The following MTARC2 variants were observed in gnomAD, a reference collection of about 807,000 sequenced individuals.
The protein encoded by MTARC2 is MOCO sulphurase C-terminal domain containing 2.
MTARC2 carries 27 observed loss-of-function variants against 35.6 expected under a neutral mutation model. That is an observed-to-expected ratio of 0.76 (90% CI 0.56 to 1.04). MTARC2 has a LOEUF of 1.04. Ranked by LOEUF, MTARC2 falls within the 50% of genes least tolerant of loss-of-function variation. The probability of loss-of-function intolerance (pLI) is 0.00; values close to 1 mark genes in which losing one functional copy is unlikely to be tolerated. For missense variants in MTARC2, 412 were observed against 432.5 expected, an observed-to-expected ratio of 0.95 and a Z score of 0.42; for synonymous variants, 158 against 167.1, an observed-to-expected ratio of 0.95 and a Z score of 0.42.
chr1:220,768,703 GAGA>G (rs1218194595), intron 4 of MTARC2, among the ~76,000 whole-genome samples: 3 of 152,144 alleles, frequency 2.0e-5, no homozygotes, highest in African/African-American at 7.2e-5. Flanking sequence ...GTAAAAAATG[GAGA>G]AGAAGAACAG....
intron 4 of MTARC2, among the ~76,000 whole-genome samples, chr1:220,768,812 G>A (rs1024711807): frequency 6.6e-6 from 1 of 152,128 alleles, no homozygotes; most frequent in African/African-American, 2.4e-5. Flanking sequence ...TTTTTCTTTC[G>A]TAATGAAAAG....
Position 220,748,384 on chromosome 1 carries a change from C to A in MTARC2, c.-148C>A, listed in dbSNP as rs1276803966. On this transcript the variant is annotated 5_prime_UTR_variant, in exon 1 of 8. Transcript: ENST00000366913. ...CCCGCTCTCCGCGGAACTGCTCTGCCGTCTCGGCGGTGAAAGTGTGAGAGG... is the reference window on the plus strand; with the variant it reads ...CCCGCTCTCCGCGGAACTGCTCTGCAGTCTCGGCGGTGAAAGTGTGAGAGG... 6.3e-6 allele frequency: 5 copies of A among 787,806 alleles called. No individual in the cohort carries two copies. The highest frequency in any genetic ancestry group is 4.4e-5 in the Admixed American group (1 of 22,642). The allele number at this position is 787,806 out of a possible 1,614,324, so 48.8% of individuals were successfully genotyped here.
At chr1:220,749,978 C>T (rs778140088) in intron 1 of MTARC2, among the ~76,000 whole-genome samples, 4 of 152,122 alleles carry the variant, frequency 2.6e-5, no homozygotes, top group Non-Finnish European at 4.4e-5. Flanking sequence ...CCATATGAAT[C>T]ATGGGAGGAT....
chr1:220,774,990 T>A (rs1415016251), intron 4 of MTARC2, among the ~76,000 whole-genome samples: 1 of 152,160 alleles, frequency 6.6e-6, no homozygotes, highest in African/African-American at 2.4e-5. Context: ...TTCGTATGCA[T>A]CTACGGAGAG....
intron 2 of MTARC2, 108 bp from the exon 3 acceptor site, chr1:220,761,550 G>T (rs1325646118): frequency 9.3e-7 from 1 of 1,075,524 alleles, no homozygotes; most frequent in East Asian, 2.6e-5. Flanking sequence ...CCACTTAACA[G>T]CCCTCTGGGA....
intron 4 of MTARC2, among the ~76,000 whole-genome samples, chr1:220,772,683 GGTGTGTGTGTGTGTGTTTGTGTGTGT>G (rs886111378): frequency 5.4e-5 from 8 of 148,034 alleles, no homozygotes; most frequent in Admixed American, 5.3e-4. Flanking sequence ...CTCTGGGCAG[GGTGTGTGTGTGTGTGTTTGTGTGTGT>G]GTGTGTGTGT....
At position 220,748,627 on chromosome 1, in the gene MTARC2, C is replaced by T; in HGVS notation, c.96C>T (p.Ala32=). The stretch of plus-strand genomic sequence containing the variant: ...GGGTCGCCGCGCTAGGACTGGCCGC[C>T]GTGGCCCTGGGGACTGTCGCCTGGC... ...WLGVAALGLA[A]VALGTVAWRR... is the part of the protein sequence containing the mutation. The change falls in exon 1 of 8, where the codon GCC becomes GCT. Residue 32 remains alanine, a synonymous_variant. Coordinates refer to ENST00000366913, the MANE Select transcript of MTARC2 (RefSeq NM_017898.5). 2.7e-6 allele frequency: 4 copies of T among 1,495,818 alleles called. No homozygotes were observed. The highest frequency in any genetic ancestry group is 3.5e-6 in the Non-Finnish European group (4 of 1,129,958). The allele number at this position is 1,495,818 out of a possible 1,614,324, so 92.7% of individuals were successfully genotyped here. A position where few individuals can be genotyped will look rare whatever the true frequency, so the allele number is the denominator to read the frequency against.
At position 220,780,032 on chromosome 1, in the gene MTARC2, A is replaced by C; in HGVS notation, c.765A>C (p.Glu255Asp). Residue 255 changes from glutamate to aspartate, a missense_variant, in exon 5 of 8, where the codon GAA becomes GAC. Glu to Asp is a conservative substitution (Grantham distance 45, BLOSUM62 2). Transcript: ENST00000366913. ...TTTTCTCTTAGGATACCTGGGATGAACTCCTAATTGGTAGTGTAGAAGTGA... is the reference window on the plus strand; with the variant it reads ...TTTTCTCTTAGGATACCTGGGATGACCTCCTAATTGGTAGTGTAGAAGTGA... ...CDAFEEDTWD[E>D]LLIGSVEVKK... 1 of 1,533,744 alleles carries C rather than the reference A, an allele frequency of 6.5e-7. No individual in the cohort carries two copies. The highest frequency in any genetic ancestry group is 1.7e-4 in the Middle Eastern group (1 of 5,780).
intron 4 of MTARC2, among the ~76,000 whole-genome samples, chr1:220,765,508 A>G (rs1313606680): frequency 2.0e-5 from 3 of 152,160 alleles, no homozygotes; most frequent in African/African-American, 7.2e-5. Flanking sequence ...TCTCTTGAAC[A>G]CTCATTGAAA....
chr1:220,770,791 G>T (rs1171781834), intron 4 of MTARC2, among the ~76,000 whole-genome samples: 1 of 152,220 alleles, frequency 6.6e-6, no homozygotes, highest in Non-Finnish European at 1.5e-5. Flanking sequence ...TGTTCATCAG[G>T]CACTAAAATT....
chr1:220,784,251 G>C lies in MTARC2; in HGVS notation c.*364G>C, dbSNP rs534128521. The C allele has an allele frequency of 1.3e-4, 44 of 326,354 alleles. No homozygotes were observed. In the South Asian group the frequency reaches 2.1e-3, roughly 15 times the overall value. The allele number at this position is 326,354 out of a possible 1,614,324, so 20.2% of individuals were successfully genotyped here. A position where few individuals can be genotyped will look rare whatever the true frequency, so the allele number is the denominator to read the frequency against. On this transcript the variant is annotated 3_prime_UTR_variant, in exon 8 of 8. Coordinates refer to ENST00000366913, the MANE Select transcript of MTARC2 (RefSeq NM_017898.5). ...AGTTTAATGAATCAACTAAAAAGCT[G>C]CAAAAATGTTTTTAAAATGTGTGCC...
chr1:220,750,107 G>A (rs963683563), intron 1 of MTARC2, among the ~76,000 whole-genome samples: 7 of 152,230 alleles, frequency 4.6e-5, no homozygotes, highest in East Asian at 1.9e-4. Context: ...GGGCCAACTC[G>A]TGTAGAATGT....
At chr1:220,772,742 A>T (rs1315386316) in intron 4 of MTARC2, among the ~76,000 whole-genome samples, 2 of 151,842 alleles carry the variant, frequency 1.3e-5, no homozygotes, top group South Asian at 2.1e-4. Flanking sequence ...GATGCTGAAG[A>T]CTTGCTTGAT....
At chr1:220,759,365 T>A (rs1671372708) in intron 2 of MTARC2, among the ~76,000 whole-genome samples, 1 of 152,148 alleles carries the variant, frequency 6.6e-6, no homozygotes, top group South Asian at 2.1e-4. Context: ...ACATTTTGTG[T>A]CAAAATGTAG....
Position 220,760,089 on chromosome 1 carries a change from T to C in MTARC2, c.447-1569T>C, listed in dbSNP as rs147239479. ...ATCAATTTCCAGATCCTGTGAATTA[T>C]ATCTACAATCAGCAAGTTCTCCGGT... On this transcript the variant is annotated intron_variant, in intron 2 of 7. Transcript: ENST00000366913. Among the ~76,000 whole-genome samples the C allele has an allele frequency of 9.7e-4, 147 of 152,320 alleles. 1 individual carries two copies. The East Asian group carries it at 0.022, about 23-fold the overall frequency.
Position 220,766,243 on chromosome 1 carries a change from A to G in MTARC2, c.750+3193A>G, listed in dbSNP as rs116208004. ...AAAAAATAAAATTATTGACAAAAAT[A>G]TATAAAATTAACAAAAATAAAATTA... On this transcript the variant is annotated intron_variant, in intron 4 of 7. Coordinates refer to ENST00000366913, the MANE Select transcript of MTARC2 (RefSeq NM_017898.5). Among the ~76,000 whole-genome samples, 1,383 of 152,336 alleles carry G rather than the reference A, an allele frequency of 9.1e-3. 19 individuals are homozygous for G. Among genetic ancestry groups the G allele is most frequent in the African/African-American group, 0.03 (1,234 of 41,564 alleles).
intron 2 of MTARC2, chr1:220,756,484 C>T (rs1671284473): frequency 2.6e-5 from 4 of 152,246 alleles, no homozygotes; most frequent in South Asian, 2.1e-4. Flanking sequence ...GAGGAAACCA[C>T]GTCTTAGATC....
chr1:220,750,032 CT>C (rs1314040646), intron 1 of MTARC2, among the ~76,000 whole-genome samples: 2 of 152,074 alleles, frequency 1.3e-5, no homozygotes, highest in African/African-American at 2.4e-5. Context: ...TCCTGGAGAG[CT>C]TTTTCAACTA....
intron 2 of MTARC2, among the ~76,000 whole-genome samples, chr1:220,758,569 A>ACG: frequency 6.6e-6 from 1 of 151,636 alleles, no homozygotes; most frequent in East Asian, 2.0e-4. Context: ...ACAGGCATGC[A>ACG]CCACCACACC....
Sources: gnomAD v4.1 joint callset for allele counts (sites outside exome capture counted in the v4.1 genomes callset) on GRCh38, gnomAD v4.1.1 for gene constraint, MANE v1.5 for transcripts, NCBI Gene and HGNC (gene_info 2026-07-23, HGNC 2026-07-21) for gene names.